Variants in DYNC1I1 observed in about 807,000 individuals in gnomAD.
DYNC1I1 encodes the protein cytoplasmic dynein 1 intermediate chain 1.
DYNC1I1 carries 43 observed loss-of-function variants against 86.6 expected under a neutral mutation model. That is an observed-to-expected ratio of 0.50 (90% CI 0.39 to 0.64). DYNC1I1 has a LOEUF of 0.64. DYNC1I1 is among the 30% of genes least tolerant of loss of function. DYNC1I1 has a pLI of 0.00. For synonymous variants in DYNC1I1, 262 were observed against 283.7 expected (o/e 0.92, Z 0.77); for missense variants, 604 against 788.8 (o/e 0.77, Z 2.81).
chr7:95,920,426 T>C (rs1344071898), intron 6 of DYNC1I1, among the ~76,000 whole-genome samples: 1 of 152,120 alleles, frequency 6.6e-6, no homozygotes. Context: ...GTACCCTGGA[T>C]AAGATCCTGG....
At chr7:95,892,114 T>C (rs538940786) in intron 6 of DYNC1I1, among the ~76,000 whole-genome samples, 71 of 151,902 alleles carry the variant, frequency 4.7e-4, no homozygotes, top group Non-Finnish European at 8.2e-4. Context: ...ATTACAGGCA[T>C]GCACCACCAT....
Position 96,075,537 on chromosome 7 carries a change from C to G in DYNC1I1, c.1510-520C>G, listed in dbSNP as rs1790305959. Among the ~76,000 whole-genome samples the G allele has an allele frequency of 3.9e-5, 6 of 152,162 alleles. No individual in the cohort carries two copies. In the South Asian group the frequency reaches 1.2e-3, roughly 32 times the overall value. ...ACGCATTCCTCTCTGCAAAAGAACCCTTAAAATGTGAATTTGGCCTAGAGT... is the reference window on the plus strand; with the variant it reads ...ACGCATTCCTCTCTGCAAAAGAACCGTTAAAATGTGAATTTGGCCTAGAGT... On this transcript the variant is annotated intron_variant, in intron 14 of 16. Transcript: ENST00000447467.
chr7:96,065,521 G>A (rs929191241), intron 14 of DYNC1I1, among the ~76,000 whole-genome samples: 7 of 151,766 alleles, frequency 4.6e-5, no homozygotes, highest in Admixed American at 1.3e-4. Context: ...GGGACTACAG[G>A]CATTCATCAC....
At chr7:96,054,882 T>G (rs1188246742) in intron 14 of DYNC1I1, among the ~76,000 whole-genome samples, 1 of 152,208 alleles carries the variant, frequency 6.6e-6, no homozygotes, top group Non-Finnish European at 1.5e-5. Context: ...GTCAGATGCA[T>G]AGATTGCAAA....
intron 6 of DYNC1I1, among the ~76,000 whole-genome samples, chr7:95,889,828 T>C (rs1442022192): frequency 6.6e-6 from 1 of 152,076 alleles, no homozygotes; most frequent in African/African-American, 2.4e-5. Flanking sequence ...ATGTGGCCAA[T>C]AAGCATATGA....
intron 6 of DYNC1I1, among the ~76,000 whole-genome samples, chr7:95,897,446 A>AC (rs1562937235): frequency 4.7e-5 from 5 of 106,248 alleles, no homozygotes; most frequent in African/African-American, 1.4e-4. Flanking sequence ...ATTGACCATG[A>AC]TTTTTTTTTT....
At chr7:95,935,753 T>G (rs1203926213) in intron 6 of DYNC1I1, among the ~76,000 whole-genome samples, 2 of 151,912 alleles carry the variant, frequency 1.3e-5, no homozygotes, top group Non-Finnish European at 2.9e-5. Flanking sequence ...AACTCAAAAG[T>G]TTTTTTAAAA....
intron 14 of DYNC1I1, among the ~76,000 whole-genome samples, chr7:96,056,608 A>G (rs1264800447): frequency 1.3e-5 from 2 of 152,048 alleles, no homozygotes; most frequent in East Asian, 1.9e-4. Context: ...TTATACTACA[A>G]CATACAGTAG....
intron 1 of DYNC1I1, among the ~76,000 whole-genome samples, chr7:95,795,029 A>G (rs189724804): frequency 6.6e-6 from 1 of 152,266 alleles, no homozygotes; most frequent in East Asian, 1.9e-4. Flanking sequence ...ACTACCCAGT[A>G]TTGGCTTTGA....
intron 5 of DYNC1I1, among the ~76,000 whole-genome samples, chr7:95,829,805 A>T (rs1215609604): frequency 6.6e-6 from 1 of 151,070 alleles, no homozygotes; most frequent in Non-Finnish European, 1.5e-5. Context: ...GAGAAGATGG[A>T]GACTTTCTGT....
chr7:95,791,371 C>T (rs1794298155), intron 1 of DYNC1I1, among the ~76,000 whole-genome samples: 1 of 152,194 alleles, frequency 6.6e-6, no homozygotes, highest in African/African-American at 2.4e-5. Context: ...GCTCCTTTAT[C>T]ATACAGCAGG....
chr7:95,954,719 C>T (rs1029604487), intron 6 of DYNC1I1, among the ~76,000 whole-genome samples: 17 of 152,014 alleles, frequency 1.1e-4, no homozygotes, highest in African/African-American at 4.1e-4. Context: ...TGAGATCATC[C>T]TGGCTAACAC....
At chr7:96,058,874 C>T (rs1398275030) in intron 14 of DYNC1I1, among the ~76,000 whole-genome samples, 1 of 146,730 alleles carries the variant, frequency 6.8e-6, no homozygotes, top group East Asian at 2.0e-4. Flanking sequence ...GAACCCCTGA[C>T]CTCAGGTGAT....
At chr7:95,877,340 G>A (rs1790337558) in intron 6 of DYNC1I1, among the ~76,000 whole-genome samples, 2 of 152,204 alleles carry the variant, frequency 1.3e-5, no homozygotes, top group Admixed American at 1.3e-4. Flanking sequence ...CATGGCTCAT[G>A]TGTAAAGCAG....
intron 1 of DYNC1I1, among the ~76,000 whole-genome samples, chr7:95,774,284 A>C (rs1793784459): frequency 6.6e-6 from 1 of 152,090 alleles, no homozygotes; most frequent in Non-Finnish European, 1.5e-5. Context: ...TCAGCATTTT[A>C]CTTTGTCTTC....
chr7:95,780,757 A>G (rs565331697), intron 1 of DYNC1I1, among the ~76,000 whole-genome samples: 1 of 152,170 alleles, frequency 6.6e-6, no homozygotes, highest in Non-Finnish European at 1.5e-5. Flanking sequence ...AAGTTGTTGA[A>G]TGTTAAAATG....
chr7:95,895,015 C>T (rs1204821298), intron 6 of DYNC1I1, among the ~76,000 whole-genome samples: 4 of 152,102 alleles, frequency 2.6e-5, no homozygotes, highest in African/African-American at 9.7e-5. Flanking sequence ...TGCATCTCAT[C>T]AATTTGCTGA....
intron 6 of DYNC1I1, among the ~76,000 whole-genome samples, chr7:95,934,818 T>G (rs1791994893): frequency 6.6e-6 from 1 of 151,930 alleles, no homozygotes; most frequent in Non-Finnish European, 1.5e-5. Context: ...ACTAGCAAAA[T>G]AAAAATATAA....
At position 95,807,883 on chromosome 7, in the gene DYNC1I1, G is replaced by A. The variant is rs987505396; in HGVS notation, c.109-2509G>A. Among the ~76,000 whole-genome samples the A allele has an allele frequency of 3.3e-5, 5 of 152,050 alleles. No homozygotes were observed. In the East Asian group the frequency reaches 5.8e-4, roughly 18 times the overall value. ...CTCTTAAGAGATTGCAAGCTTTCAA[G>A]GTCAGGGCTATATGCTTTTGTTGTT... is the stretch of plus-strand genomic sequence containing the variant. On this transcript the variant is annotated intron_variant, in intron 2 of 16. Coordinates refer to ENST00000447467, the MANE Select transcript of DYNC1I1 (RefSeq NM_001135556.2).
Sources: gnomAD v4.1 joint callset for allele counts (sites outside exome capture counted in the v4.1 genomes callset) on GRCh38, gnomAD v4.1.1 for gene constraint, MANE v1.5 for transcripts, NCBI Gene and HGNC (gene_info 2026-07-23, HGNC 2026-07-21) for gene names.